The following LARS1 variants were observed in gnomAD, a reference collection of about 807,000 sequenced individuals.
LARS1 encodes the protein leucine--tRNA ligase, cytoplasmic.
A neutral mutation model predicts 162.8 loss-of-function variants in LARS1; 100 were observed. The ratio of observed to expected loss-of-function variants is 0.61; its 90% CI spans 0.52 to 0.73. The LOEUF (loss-of-function observed/expected upper bound fraction) is 0.73, where lower values mean the gene tolerates loss of function less well. Among genes scored for constraint, LARS1 ranks in the 30% least tolerant of loss-of-function variants. The pLI, the probability that LARS1 is intolerant of heterozygous loss-of-function variation, is 0.00. For synonymous variants in LARS1, 457 were observed against 462.8 expected, an observed-to-expected ratio of 0.99 and a Z score of 0.16; for missense variants, 1,258 against 1,408.9, an observed-to-expected ratio of 0.89 and a Z score of 1.71.
At chr5:146,157,000 A>T (rs1753558167) in intron 10 of LARS1, among the ~76,000 whole-genome samples, 1 of 152,232 alleles carries the variant, frequency 6.6e-6, no homozygotes. Flanking sequence ...TAAAAAAAGA[A>T]CTATTCCTAC....
intron 8 of LARS1, among the ~76,000 whole-genome samples, chr5:146,158,820 G>A (rs1270218629): frequency 2.6e-5 from 4 of 152,156 alleles, no homozygotes; most frequent in Admixed American, 6.5e-5. Flanking sequence ...CTGGAGGCCG[G>A]GCACGGTGGC....
At chr5:146,120,654 TG>T in intron 30 of LARS1, 151 bp from the exon 31 acceptor site, 1 of 758,160 alleles carries the variant, frequency 1.3e-6, no homozygotes, top group Non-Finnish European at 2.1e-6. Flanking sequence ...AAAGAAAAGC[TG>T]TACAAGCTCA....
intron 28 of LARS1, among the ~76,000 whole-genome samples, chr5:146,124,567 C>T (rs939551279): frequency 6.6e-6 from 1 of 151,624 alleles, no homozygotes; most frequent in African/African-American, 2.4e-5. Flanking sequence ...GATATTTCTG[C>T]AAAGTTTAAA....
At chr5:146,167,691 G>A (rs990257161) in intron 5 of LARS1, among the ~76,000 whole-genome samples, 5 of 151,174 alleles carry the variant, frequency 3.3e-5, no homozygotes, top group African/African-American at 1.2e-4. Flanking sequence ...ACCACGCCCG[G>A]CTAATTTTTT....
chr5:146,114,199 A>G lies in LARS1; in HGVS notation c.3438T>C (p.Val1146=), dbSNP rs1027602149. The G allele has an allele frequency of 1.2e-6, 2 of 1,613,534 alleles. No homozygotes were observed. The highest frequency in any genetic ancestry group is 4.5e-5 in the East Asian group (2 of 44,832). ...TCTTGCTCATGAGGTCCACATTGAAAACAGCATGCTCAGAAATGGGGGTCT... is the reference window on the plus strand; with the variant it reads ...TCTTGCTCATGAGGTCCACATTGAAGACAGCATGCTCAGAAATGGGGGTCT... The part of the protein sequence containing the change: ...TEKTPISEHA[V]FNVDLMSKKI... The change falls in exon 32 of 32, where the codon GTT becomes GTC. Residue 1146 remains valine (V), a synonymous_variant. Coordinates refer to ENST00000394434, the MANE Select transcript of LARS1 (RefSeq NM_020117.11).
At chr5:146,130,601 AT>A (rs1397220626) in intron 24 of LARS1, 1 of 173,306 alleles carries the variant, frequency 5.8e-6, no homozygotes, top group Non-Finnish European at 1.2e-5. Flanking sequence ...GTAAAGCTAC[AT>A]TTTTACTTTA....
At chr5:146,138,233 C>A in intron 21 of LARS1, 1 of 188,232 alleles carries the variant, frequency 5.3e-6, no homozygotes, top group Non-Finnish European at 1.3e-5. Flanking sequence ...CTCCTGGCAG[C>A]AAACCAAACA....
intron 31 of LARS1, among the ~76,000 whole-genome samples, chr5:146,118,764 C>T (rs1437697458): frequency 6.6e-6 from 1 of 152,078 alleles, no homozygotes; most frequent in East Asian, 1.9e-4. Flanking sequence ...GGGATGATGA[C>T]GAAGTTGTAG....
intron 10 of LARS1, among the ~76,000 whole-genome samples, chr5:146,154,772 C>A (rs567230610): frequency 6.6e-6 from 1 of 151,680 alleles, no homozygotes; most frequent in African/African-American, 2.4e-5. Flanking sequence ...AGGGAGACCC[C>A]GTCTCAAAAA....
At chr5:146,157,908 A>ATT in intron 8 of LARS1, 113 bp from the exon 9 acceptor site, 1 of 989,172 alleles carries the variant, frequency 1.0e-6, no homozygotes, top group Non-Finnish European at 1.5e-6. Flanking sequence ...TGCATTATTA[A>ATT]TTTTTTTTTG....
intron 5 of LARS1, among the ~76,000 whole-genome samples, chr5:146,167,842 C>T (rs570299981): frequency 5.0e-4 from 72 of 144,304 alleles, no homozygotes; most frequent in Non-Finnish European, 8.7e-4. Flanking sequence ...GACCGGCTTA[C>T]GCCCGGCTAA....
chr5:146,161,372 A>C (rs1018980377), intron 6 of LARS1, among the ~76,000 whole-genome samples: 1 of 152,154 alleles, frequency 6.6e-6, no homozygotes, highest in African/African-American at 2.4e-5. Flanking sequence ...TCTTCCTTTC[A>C]CAAAGATTTC....
At chr5:146,170,695 G>A (rs1317785421) in intron 4 of LARS1, among the ~76,000 whole-genome samples, 1 of 151,912 alleles carries the variant, frequency 6.6e-6, no homozygotes, top group Non-Finnish European at 1.5e-5. Flanking sequence ...AAAGTTCACA[G>A]AAAAAGAGAG....
Position 146,153,753 on chromosome 5 carries a change from C to G in LARS1, c.1211G>C (p.Arg404Thr). 1 of 1,613,990 alleles carries G rather than the reference C, an allele frequency of 6.2e-7. No homozygotes were observed. Among genetic ancestry groups the G allele is most frequent in the East Asian group, 2.2e-5 (1 of 44,846 alleles). The change falls in exon 12 of 32, where the codon AGA (arginine) becomes ACA (threonine). Residue 404 changes from arginine to threonine, a missense_variant. Arg to Thr is a moderately conservative substitution (Grantham distance 71). Coordinates refer to ENST00000394434, the MANE Select transcript of LARS1 (RefSeq NM_020117.11). ...ACTTACTTGCTTTTTCTTCAAGTCTCTGAGGGCAGCAATATCATCAGGGGA... is the reference window on the plus strand; with the variant it reads ...ACTTACTTGCTTTTTCTTCAAGTCTGTGAGGGCAGCAATATCATCAGGGGA... Reference protein sequence around the residue: ...SDSPDDIAALRDLKKKQALRA... With the variant: ...SDSPDDIAALTDLKKKQALRA...
chr5:146,153,731 T>A lies in LARS1; in HGVS notation c.1230+3A>T, dbSNP rs1456451637. 6.2e-7 allele frequency: 1 copy of A among 1,611,664 alleles called. No homozygotes were observed. The highest frequency in any genetic ancestry group is 1.1e-5 in the South Asian group (1 of 91,046). On this transcript the variant is annotated splice_donor_region_variant and intron_variant, in intron 12 of 31. Transcript: ENST00000394434. ...AATACAAACATGAAACTCAGATACT[T>A]ACTTGCTTTTTCTTCAAGTCTCTGA...
At chr5:146,147,369 A>G (rs905794000) in intron 15 of LARS1, among the ~76,000 whole-genome samples, 3 of 151,906 alleles carry the variant, frequency 2.0e-5, no homozygotes, top group Non-Finnish European at 2.9e-5. Flanking sequence ...AAGCCAGATC[A>G]GCCTGGGCAA....
chr5:146,137,343 CTTTT>C lies in LARS1; in HGVS notation c.2149-1683_2149-1680del, dbSNP rs34662124. ...TTAATGAGGAATAAATAATTTTGTA[CTTTT>C]TTTTTTAAGTCAAGTAGGGGTGCCC... On this transcript the variant is annotated intron_variant, in intron 21 of 31. Coordinates refer to ENST00000394434, the MANE Select transcript of LARS1 (RefSeq NM_020117.11). Among the ~76,000 whole-genome samples the C allele has an allele frequency of 5.4e-3, 815 of 150,108 alleles. 4 individuals carry two copies. The highest frequency in any genetic ancestry group is 0.019 in the African/African-American group (775 of 40,816).
intron 28 of LARS1, among the ~76,000 whole-genome samples, chr5:146,125,403 T>G (rs1752001521): frequency 6.6e-6 from 1 of 152,046 alleles, no homozygotes; most frequent in South Asian, 2.1e-4. Flanking sequence ...ATCAGGCATC[T>G]GCAGCCAAGA....
At position 146,126,561 on chromosome 5, in the gene LARS1, A is replaced by C. The variant is rs373325275; in HGVS notation, c.2881-16T>G. ...CGTTATTGGCCTAAGAAAAGGAAGG[A>C]GGGAGAGTAATGTAGAAAAAAAAGT... is the stretch of plus-strand genomic sequence containing the variant. On this transcript the variant is annotated splice_polypyrimidine_tract_variant and intron_variant, in intron 27 of 31. Coordinates refer to ENST00000394434, the MANE Select transcript of LARS1 (RefSeq NM_020117.11). 3.1e-5 allele frequency: 48 copies of C among 1,559,856 alleles called. No individual in the cohort carries two copies. In the Middle Eastern group the frequency reaches 5.0e-4, roughly 16 times the overall value.
Sources: allele counts gnomAD v4.1 joint callset (sites outside exome capture counted in the v4.1 genomes callset), GRCh38; gene constraint gnomAD v4.1.1; transcripts MANE v1.5; gene names NCBI Gene and HGNC (gene_info 2026-07-23, HGNC 2026-07-21).